The following MACROD2 variants were observed in gnomAD, a reference collection of about 807,000 sequenced individuals.
The protein encoded by MACROD2 is ADP-ribose glycohydrolase MACROD2.
MACROD2 carries 36 observed loss-of-function variants against 70.4 expected under a neutral mutation model. That is an observed-to-expected ratio of 0.51 (90% confidence interval 0.39 to 0.68). The LOEUF (loss-of-function observed/expected upper bound fraction) is 0.68. Among genes scored for constraint, MACROD2 ranks in the 30% least tolerant of loss-of-function variants. MACROD2 has a pLI of 0.00. For missense variants in MACROD2, 496 were observed against 538.4 expected (o/e 0.92, Z 0.78); for synonymous variants, 172 against 178.8 (o/e 0.96, Z 0.30).
At chr20:14,308,019 G>A (rs2082535350) in intron 3 of MACROD2, among the ~76,000 whole-genome samples, 1 of 152,130 alleles carries the variant, frequency 6.6e-6, no homozygotes, top group African/African-American at 2.4e-5. Flanking sequence ...CAACTATAAT[G>A]TGTTGATTAG....
chr20:14,684,541 A>C (rs2070975339), intron 4 of MACROD2, among the ~76,000 whole-genome samples: 2 of 152,140 alleles, frequency 1.3e-5, no homozygotes, highest in Non-Finnish European at 2.9e-5. Context: ...TATACCACTG[A>C]AATGGAAAAA....
At chr20:14,111,440 G>T (rs1452202629) in intron 3 of MACROD2, among the ~76,000 whole-genome samples, 1 of 151,876 alleles carries the variant, frequency 6.6e-6, no homozygotes, top group Non-Finnish European at 1.5e-5. Context: ...AATGGGTGAA[G>T]ATATTTGCAA....
At chr20:15,441,086 A>C (rs1306215289) in intron 7 of MACROD2, among the ~76,000 whole-genome samples, 1 of 152,168 alleles carries the variant, frequency 6.6e-6, no homozygotes, top group Non-Finnish European at 1.5e-5. Flanking sequence ...AACACTTTTG[A>C]GACAGTGGAG....
chr20:15,150,210 C>T lies in MACROD2; in HGVS notation c.419-79730C>T, dbSNP rs185643240. Among the ~76,000 whole-genome samples, 59 of 152,054 alleles carry T rather than the reference C, an allele frequency of 3.9e-4. 4 individuals are homozygous for T. The highest frequency in any genetic ancestry group is 6.8e-3 in the Middle Eastern group (2 of 294). The stretch of plus-strand genomic sequence containing the variant: ...TGTGAGGGCTTGCAGCAGTACAGCC[C>T]AGGTAATTTGCTGAGCCTGATGGGT... On this transcript the variant is annotated intron_variant, in intron 5 of 17. Coordinates refer to ENST00000684519, the MANE Select transcript of MACROD2 (RefSeq NM_001351661.2).
chr20:14,800,256 A>G (rs1366077750), intron 5 of MACROD2, among the ~76,000 whole-genome samples: 2 of 152,124 alleles, frequency 1.3e-5, no homozygotes, highest in Admixed American at 6.6e-5. Flanking sequence ...TGCTAAGTCC[A>G]AAAGGAATTC....
chr20:14,657,869 C>T (rs1326178900), intron 4 of MACROD2, among the ~76,000 whole-genome samples: 1 of 151,734 alleles, frequency 6.6e-6, no homozygotes, highest in East Asian at 1.9e-4. Context: ...CTTCTGACTT[C>T]TAAGTCACAC....
chr20:14,129,432 T>A (rs1009480498), intron 3 of MACROD2, among the ~76,000 whole-genome samples: 1 of 152,218 alleles, frequency 6.6e-6, no homozygotes, highest in Non-Finnish European at 1.5e-5. Flanking sequence ...TTCTTATGGA[T>A]GAGCAAAGAA....
At chr20:14,212,124 C>A (rs940982200) in intron 3 of MACROD2, among the ~76,000 whole-genome samples, 1 of 152,046 alleles carries the variant, frequency 6.6e-6, no homozygotes, top group African/African-American at 2.4e-5. Flanking sequence ...GATTGTAGAT[C>A]TGTATTCTAA....
intron 2 of MACROD2, among the ~76,000 whole-genome samples, chr20:14,023,078 C>CT (rs1316484590): frequency 1.3e-5 from 2 of 152,200 alleles, no homozygotes; most frequent in Admixed American, 1.3e-4. Flanking sequence ...TGTTTCCTGA[C>CT]TTTTTAATGA....
intron 5 of MACROD2, among the ~76,000 whole-genome samples, chr20:15,032,187 A>T (rs2075280398): frequency 6.6e-6 from 1 of 152,204 alleles, no homozygotes; most frequent in Non-Finnish European, 1.5e-5. Context: ...CTGCAGCGAC[A>T]GGTGGGCTTC....
At chr20:15,402,542 A>T (rs773181936) in intron 6 of MACROD2, among the ~76,000 whole-genome samples, 9 of 152,198 alleles carry the variant, frequency 5.9e-5, no homozygotes, top group Non-Finnish European at 1.3e-4. Context: ...TCTCTTTGAG[A>T]TCAAATATTT....
chr20:14,359,265 G>C (rs2083200702), intron 3 of MACROD2, among the ~76,000 whole-genome samples: 1 of 152,032 alleles, frequency 6.6e-6, no homozygotes, highest in Non-Finnish European at 1.5e-5. Flanking sequence ...ATTTTTTTCA[G>C]AGTTCACATG....
intron 14 of MACROD2, 30 bp from the exon 15 acceptor site, chr20:15,987,036 C>T (rs767751408): frequency 4.5e-6 from 7 of 1,554,732 alleles, no homozygotes; most frequent in Non-Finnish European, 6.1e-6. Context: ...TAAAACAACC[C>T]TGAGTGTCCA....
intron 10 of MACROD2, among the ~76,000 whole-genome samples, chr20:15,899,585 T>C (rs2065033884): frequency 6.6e-6 from 1 of 152,252 alleles, no homozygotes; most frequent in African/African-American, 2.4e-5. Flanking sequence ...AGTAGCATGT[T>C]TCAAACAGTA....
intron 5 of MACROD2, among the ~76,000 whole-genome samples, chr20:15,080,077 C>T (rs1211920113): frequency 3.3e-5 from 5 of 151,492 alleles, no homozygotes; most frequent in East Asian, 1.9e-4. Flanking sequence ...TTTCTTTTCT[C>T]TTGACTCTAA....
At chr20:14,249,128 G>GTCTTTT (rs1555773444) in intron 3 of MACROD2, among the ~76,000 whole-genome samples, 1 of 103,078 alleles carries the variant, frequency 9.7e-6, no homozygotes, top group South Asian at 3.7e-4. Context: ...GATTTCAAAG[G>GTCTTTT]TTTTTTTTTT....
intron 3 of MACROD2, among the ~76,000 whole-genome samples, chr20:14,199,414 A>C (rs2081460737): frequency 6.6e-6 from 1 of 152,242 alleles, no homozygotes; most frequent in Non-Finnish European, 1.5e-5. Flanking sequence ...CATAGTTAAC[A>C]ATCAGTAGCT....
chr20:14,135,676 T>C (rs1320393556), intron 3 of MACROD2, among the ~76,000 whole-genome samples: 3 of 151,856 alleles, frequency 2.0e-5, no homozygotes, highest in African/African-American at 7.3e-5. Context: ...ACTCTATCTC[T>C]AAAAAAAGAA....
intron 4 of MACROD2, among the ~76,000 whole-genome samples, chr20:14,658,045 T>C (rs759870721): frequency 2.2e-4 from 33 of 152,262 alleles, no homozygotes; most frequent in Middle Eastern, 3.4e-3. Context: ...AGTAACTGCA[T>C]TGCAGTTAAG....
Sources: gnomAD v4.1 joint callset for allele counts (sites outside exome capture counted in the v4.1 genomes callset) on GRCh38, gnomAD v4.1.1 for gene constraint, MANE v1.5 for transcripts, NCBI Gene and HGNC (gene_info 2026-07-23, HGNC 2026-07-21) for gene names.